The following GDPD4 variants were observed in gnomAD, a reference collection of about 807,000 sequenced individuals.
The protein encoded by GDPD4 is glycerophosphodiester phosphodiesterase domain containing 4.
In GDPD4, 60 loss-of-function variants were observed where a neutral mutation model predicts 67.8. The observed-to-expected ratio is 0.88, with a 90% CI of 0.72 to 1.10. The LOEUF (loss-of-function observed/expected upper bound fraction) is 1.10. GDPD4 is among the 50% of genes least tolerant of loss of function. The pLI is 0.00. For synonymous variants in GDPD4, 212 were observed against 210.9 expected (o/e 1.00, Z -0.04); for missense variants, 623 against 613.9 (o/e 1.01, Z -0.16).
intron 11 of GDPD4, among the ~76,000 whole-genome samples, chr11:77,257,552 TACACACACACACACACACAC>T (rs71043563): frequency 7.4e-6 from 1 of 134,266 alleles, no homozygotes; most frequent in Non-Finnish European, 1.6e-5. Flanking sequence ...CTCCCTCTCC[TACACACACACACACACACAC>T]ACACACACAC....
intron 10 of GDPD4, among the ~76,000 whole-genome samples, chr11:77,265,084 C>T (rs990126189): frequency 3.3e-5 from 5 of 152,232 alleles, no homozygotes; most frequent in East Asian, 1.9e-4. Context: ...TGCCCCCGCA[C>T]ACCCCTATTC....
intron 3 of GDPD4, among the ~76,000 whole-genome samples, chr11:77,280,888 A>T (rs1005780434): frequency 6.6e-6 from 1 of 152,242 alleles, no homozygotes; most frequent in African/African-American, 2.4e-5. Flanking sequence ...TGACTGCCTG[A>T]ACATCAGTGG....
intron 3 of GDPD4, among the ~76,000 whole-genome samples, chr11:77,282,872 T>C (rs1451918981): frequency 3.3e-5 from 5 of 152,078 alleles, no homozygotes; most frequent in African/African-American, 4.8e-5. Context: ...CATATGCTAT[T>C]TATAAGAGAA....
chr11:77,264,249 T>G (rs1266399316), intron 10 of GDPD4, among the ~76,000 whole-genome samples: 1 of 152,200 alleles, frequency 6.6e-6, no homozygotes, highest in Non-Finnish European at 1.5e-5. Context: ...GTCTCTGCCT[T>G]TTCAAATGTT....
At chr11:77,275,118 A>G (rs1014534877) in intron 5 of GDPD4, among the ~76,000 whole-genome samples, 1 of 152,208 alleles carries the variant, frequency 6.6e-6, no homozygotes, top group African/African-American at 2.4e-5. Flanking sequence ...TGGATATCCT[A>G]AATTCCCTGA....
intron 16 of GDPD4, among the ~76,000 whole-genome samples, chr11:77,218,035 GCTTT>G (rs1301918829): frequency 6.7e-6 from 1 of 150,304 alleles, no homozygotes; most frequent in African/African-American, 2.4e-5. Context: ...AATATTCAAA[GCTTT>G]TTTTTTAACC....
chr11:77,235,009 G>GGTTTTTTTTTTTTTT (rs1958524240), intron 13 of GDPD4, among the ~76,000 whole-genome samples: 1 of 52,254 alleles, frequency 1.9e-5, no homozygotes, highest in African/African-American at 6.3e-5. Flanking sequence ...GTCAATATCT[G>GGTTTTTTTTTTTTTT]TTTTTTTTTT....
chr11:77,297,334 C>G (rs939946983), intron 1 of GDPD4, among the ~76,000 whole-genome samples: 2 of 151,644 alleles, frequency 1.3e-5, no homozygotes, highest in Non-Finnish European at 2.9e-5. Flanking sequence ...ATCACGAGGT[C>G]AGGAGATCAA....
At chr11:77,245,542 C>G (rs1299963271) in intron 11 of GDPD4, 40 bp from the exon 12 acceptor site, 2 of 1,417,854 alleles carry the variant, frequency 1.4e-6, no homozygotes, top group Non-Finnish European at 2.0e-6. Flanking sequence ...AAAGCACTTT[C>G]CAGTTCTCCT....
chr11:77,253,696 T>G lies in GDPD4; in HGVS notation c.864+4690A>C, dbSNP rs568398554. Among the ~76,000 whole-genome samples the G allele has an allele frequency of 2.6e-5, 4 of 152,276 alleles. No individual in the cohort carries two copies. The East Asian group carries it at 5.8e-4, about 22-fold the overall frequency. The stretch of plus-strand genomic sequence containing the variant: ...TTGATGTGCCACTCTACTCAGGCCT[T>G]GGGGGCCTGACTGTTCTGAGCAGCC... On this transcript the variant is annotated intron_variant, in intron 11 of 16. Transcript: ENST00000315938.
intron 11 of GDPD4, among the ~76,000 whole-genome samples, chr11:77,254,620 G>T (rs1427085620): frequency 2.0e-5 from 3 of 151,994 alleles, no homozygotes; most frequent in Admixed American, 2.0e-4. Flanking sequence ...CTATGTATCT[G>T]CATGAAAATT....
chr11:77,235,939 G>A (rs1235368162), intron 13 of GDPD4, among the ~76,000 whole-genome samples: 2 of 145,444 alleles, frequency 1.4e-5, no homozygotes, highest in Non-Finnish European at 3.0e-5. Flanking sequence ...CTGGGGGACA[G>A]AGCGAGACTT....
chr11:77,261,675 C>T (rs925271627), intron 10 of GDPD4, among the ~76,000 whole-genome samples: 5 of 152,216 alleles, frequency 3.3e-5, no homozygotes, highest in African/African-American at 1.2e-4. Flanking sequence ...CGAGACACAG[C>T]TGTTTAATGG....
At chr11:77,261,273 T>C (rs1471317624) in intron 10 of GDPD4, among the ~76,000 whole-genome samples, 1 of 152,042 alleles carries the variant, frequency 6.6e-6, no homozygotes, top group Non-Finnish European at 1.5e-5. Flanking sequence ...AATCTTACTC[T>C]GTCACCCAGG....
In GDPD4 at chr11:77,217,089, G is replaced by A; in HGVS notation, c.*188C>T. 2 of 707,530 alleles carry A rather than the reference G, an allele frequency of 2.8e-6. No individual in the cohort carries two copies. The highest frequency in any genetic ancestry group is 1.5e-5 in the South Asian group (1 of 67,780). 43.8% of individuals were successfully genotyped at this position (707,530 alleles called of 1,614,324 possible). ...GTGGGCATCGGTGGTTGAATCTCAT[G>A]CTTGCCAGGCTTCAAAGGTGTGACA... On this transcript the variant is annotated 3_prime_UTR_variant, in exon 17 of 17. Coordinates refer to ENST00000315938, the MANE Select transcript of GDPD4 (RefSeq NM_182833.3).
chr11:77,295,387 T>C (rs1484751495), intron 1 of GDPD4, among the ~76,000 whole-genome samples: 1 of 151,966 alleles, frequency 6.6e-6, no homozygotes, highest in African/African-American at 2.4e-5. Flanking sequence ...ATCCCAGCAC[T>C]TTGGGAGGCT....
rs767779634 is a variant in GDPD4 at position 77,229,243 on chromosome 11, T to C, written c.1390-11A>G. 9.1e-6 allele frequency: 14 copies of C among 1,537,970 alleles called. No homozygotes were observed. Among genetic ancestry groups the C allele is most frequent in the East Asian group, 2.3e-5 (1 of 44,434 alleles). ...ATAGAACTTTGGTGTCTGAAAAACA[T>C]AAACCACAGTGAAAGAACTTTACAG... On this transcript the variant is annotated splice_polypyrimidine_tract_variant and intron_variant, in intron 14 of 16. Transcript: ENST00000315938.
intron 16 of GDPD4, among the ~76,000 whole-genome samples, chr11:77,223,264 C>T (rs558931958): frequency 6.6e-6 from 1 of 152,300 alleles, no homozygotes; most frequent in South Asian, 2.1e-4. Context: ...CTGTTGCTGG[C>T]AAGGAGCTGC....
At chr11:77,234,590 CAT>C (rs1178943187) in intron 13 of GDPD4, among the ~76,000 whole-genome samples, 1 of 152,172 alleles carries the variant, frequency 6.6e-6, no homozygotes, top group East Asian at 1.9e-4. Context: ...TAAGTGAGAA[CAT>C]GTGGTATTTG....
Sources: gnomAD v4.1 joint callset for allele counts (sites outside exome capture counted in the v4.1 genomes callset) on GRCh38, gnomAD v4.1.1 for gene constraint, MANE v1.5 for transcripts, NCBI Gene and HGNC (gene_info 2026-07-23, HGNC 2026-07-21) for gene names.